The following GAS6 variants were observed in gnomAD, a reference collection of about 807,000 sequenced individuals.
GAS6 encodes growth arrest-specific protein 6.
In GAS6, 41 loss-of-function variants were observed where a neutral mutation model predicts 75.8. The ratio of observed to expected loss-of-function variants is 0.54; its 90% CI spans 0.42 to 0.70. GAS6 has a LOEUF of 0.70. Among genes scored for constraint, GAS6 ranks in the 30% least tolerant of loss-of-function variants. GAS6 has a pLI of 0.00. For synonymous variants in GAS6, 432 were observed against 412.6 expected (o/e 1.05, Z -0.57); for missense variants, 854 against 940.2 (o/e 0.91, Z 1.20).
chr13:113,858,093 T>TG (rs1566375473), intron 2 of GAS6, among the ~76,000 whole-genome samples: 1 of 152,194 alleles, frequency 6.6e-6, no homozygotes, highest in African/African-American at 2.4e-5. Context: ...CTGAGGAAGC[T>TG]GGGGCCACAG....
chr13:113,824,617 T>A (rs1398853065), intron 12 of GAS6, among the ~76,000 whole-genome samples: 2 of 152,206 alleles, frequency 1.3e-5, no homozygotes, highest in Non-Finnish European at 2.9e-5. Context: ...CCCAAATCAC[T>A]GTGTGTACAC....
intron 5 of GAS6, 194 bp from the exon 6 acceptor site, chr13:113,838,385 TCACA>T: frequency 1.8e-6 from 1 of 567,052 alleles, no homozygotes; most frequent in Non-Finnish European, 2.9e-6. Flanking sequence ...AGACCAGGGG[TCACA>T]GCCTAGCCCC....
intron 7 of GAS6, among the ~76,000 whole-genome samples, chr13:113,835,293 G>A (rs1325902097): frequency 6.6e-6 from 1 of 152,244 alleles, no homozygotes; most frequent in Non-Finnish European, 1.5e-5. Flanking sequence ...CATGTGTGCG[G>A]TTCGTTCATG....
intron 2 of GAS6, among the ~76,000 whole-genome samples, chr13:113,859,664 A>C (rs889931939): frequency 1.3e-5 from 2 of 152,106 alleles, no homozygotes; most frequent in African/African-American, 4.8e-5. Context: ...ACATGTGTGC[A>C]TGTGTCTAGG....
At chr13:113,821,147 C>T in intron 14 of GAS6, 129 bp from the exon 15 acceptor site, 2 of 946,336 alleles carry the variant, frequency 2.1e-6, no homozygotes, top group South Asian at 3.2e-5. Context: ...TCCCTTTCTT[C>T]TCTAACTTCT....
chr13:113,825,973 G>C (rs2051532130), intron 12 of GAS6, among the ~76,000 whole-genome samples: 2 of 152,196 alleles, frequency 1.3e-5, no homozygotes, highest in Non-Finnish European at 2.9e-5. Flanking sequence ...CTCTGTGCGT[G>C]TGGGGGCTTC....
In GAS6 at chr13:113,839,793, T is replaced by C. The variant is rs1243095521; in HGVS notation, c.401A>G (p.Gln134Arg). 6.2e-7 allele frequency: 1 copy of C among 1,614,026 alleles called. No homozygotes were observed. The highest frequency in any genetic ancestry group is 8.5e-7 in the Non-Finnish European group (1 of 1,180,008). Reference protein sequence around the residue: ...PCDRKGTQACQDLMGNFFCLC... With the variant: ...PCDRKGTQACRDLMGNFFCLC... ...GCAGAAGAAGTTGCCCATGAGGTCCTGGCAGGCTTGGGTCCCCTTCCTATC... is the reference window on the plus strand; with the variant it reads ...GCAGAAGAAGTTGCCCATGAGGTCCCGGCAGGCTTGGGTCCCCTTCCTATC... Residue 134 changes from glutamine to arginine, a missense_variant, in exon 5 of 15, where the codon CAG (glutamine) becomes CGG (arginine). Coordinates refer to ENST00000327773, the MANE Select transcript of GAS6 (RefSeq NM_000820.4).
In GAS6 at chr13:113,827,785, C is replaced by T. The variant is rs111684324; in HGVS notation, c.1309-621G>A. The stretch of plus-strand genomic sequence containing the variant: ...AAAATACCCAGGATGACGGCTTAGA[C>T]GTCAGCACGTGGGGGCTGGAGACAC... On this transcript the variant is annotated intron_variant, in intron 11 of 14. Transcript: ENST00000327773. 3.6e-3 allele frequency among the ~76,000 whole-genome samples: 547 copies of T among 152,288 alleles called. 1 individual carries two copies. Among genetic ancestry groups the T allele is most frequent in the African/African-American group, 0.012 (518 of 41,562 alleles).
intron 3 of GAS6, chr13:113,846,918 T>C (rs534628086): frequency 4.5e-5 from 21 of 468,700 alleles, no homozygotes; most frequent in Middle Eastern, 3.1e-4. Flanking sequence ...CTCGAAAAGC[T>C]AAACTTCATT....
intron 8 of GAS6, 30 bp downstream of exon 8, chr13:113,834,521 G>A (rs967815621): frequency 1.3e-6 from 2 of 1,500,508 alleles, no homozygotes; most frequent in Non-Finnish European, 1.8e-6. Context: ...GAACCACCGT[G>A]AAGGGCCCGC....
chr13:113,826,977 G>A lies in GAS6; in HGVS notation c.1477+19C>T, dbSNP rs201687096. The A allele has an allele frequency of 2.2e-3, 3,451 of 1,604,802 alleles. 5 individuals carry two copies. The highest frequency in any genetic ancestry group is 2.6e-3 in the Non-Finnish European group (3,093 of 1,175,402). On this transcript the variant is annotated intron_variant, in intron 12 of 14. Coordinates refer to ENST00000327773, the MANE Select transcript of GAS6 (RefSeq NM_000820.4). ...AAGGTGCAGCCACAGCCACCCCAACGGTAAGAGCCAAGACTTACTGTAGTC... is the reference window on the plus strand; with the variant it reads ...AAGGTGCAGCCACAGCCACCCCAACAGTAAGAGCCAAGACTTACTGTAGTC...
At chr13:113,846,665 G>T (rs371330020) in intron 3 of GAS6, 76 bp from the exon 4 acceptor site, 1 of 1,219,382 alleles carries the variant, frequency 8.2e-7, no homozygotes, top group Non-Finnish European at 1.2e-6. Flanking sequence ...CTTCTGAGAC[G>T]CTCTGGAGAG....
rs910952224 is a variant in GAS6, at chr13:113,824,439, C to T, written c.1478-889G>A. ...ACATGCGGTCTGGGGTCTGAGCTGT[C>T]GGGAACATGTGTGGTCTCCCAGGGA... On this transcript the variant is annotated intron_variant, in intron 12 of 14. Transcript: ENST00000327773. 1.5e-4 allele frequency among the ~76,000 whole-genome samples: 23 copies of T among 151,882 alleles called. 1 individual carries two copies. The highest frequency in any genetic ancestry group is 2.9e-4 in the African/African-American group (12 of 41,274).
Position 113,863,652 on chromosome 13 carries a change from GGC to G in GAS6, c.176_177del (p.Gly59AlafsTer59). The G allele has an allele frequency of 6.6e-7, 1 of 1,523,440 alleles. No homozygotes were observed. Among genetic ancestry groups the G allele is most frequent in the Non-Finnish European group, 8.8e-7 (1 of 1,135,366 alleles). 94.4% of individuals were successfully genotyped at this position (1,523,440 alleles called of 1,614,324 possible). On this transcript the variant is annotated frameshift_variant, in exon 2 of 15. Coordinates refer to ENST00000327773, the MANE Select transcript of GAS6 (RefSeq NM_000820.4). LOFTEE classifies it high-confidence loss of function. This position sits in a 1 kb window ranked among gnomAD's most constrained non-coding sequence, Gnocchi z 9.4. ...AFQVFEEAKQ[G>X]HLERECVEEL... is the part of the protein sequence containing the mutation. The stretch of plus-strand genomic sequence containing the variant: ...TCCTCCACGCACTCCCTCTCCAGGT[GGC>G]CCTGCTTGGCCTCCTCGAAGACCTG...
Position 113,863,441 on chromosome 13 carries a change from C to T in GAS6, c.255+134G>A, listed in dbSNP as rs1039064702. The T allele has an allele frequency of 3.6e-6, 3 of 824,278 alleles. No individual in the cohort carries two copies. The South Asian group carries it at 1.0e-4, about 28-fold the overall frequency. The allele number at this position is 824,278 out of a possible 1,614,324, so 51.1% of individuals were successfully genotyped here. ...ATGGGCGTGGGGGACGCGGGGCGGG[C>T]CGGGGCTCCTGGGACCCTGAGGCCA... On this transcript the variant is annotated intron_variant, in intron 2 of 14. Coordinates refer to ENST00000327773, the MANE Select transcript of GAS6 (RefSeq NM_000820.4). This position sits in a 1 kb window ranked among gnomAD's most constrained non-coding sequence, Gnocchi z 9.4.
At chr13:113,827,788 C>T (rs530681505) in intron 11 of GAS6, among the ~76,000 whole-genome samples, 9 of 152,194 alleles carry the variant, frequency 5.9e-5, no homozygotes, top group Non-Finnish European at 1.3e-4. Flanking sequence ...GCTTAGACGT[C>T]AGCACGTGGG....
rs932655314 is a variant in GAS6, at chr13:113,831,002, C to A, written c.1143+1297G>T. Among the ~76,000 whole-genome samples the A allele has an allele frequency of 2.0e-5, 3 of 152,246 alleles. No individual in the cohort carries two copies. The East Asian group carries it at 5.8e-4, about 29-fold the overall frequency. On this transcript the variant is annotated intron_variant, in intron 10 of 14. Coordinates refer to ENST00000327773, the MANE Select transcript of GAS6 (RefSeq NM_000820.4). ...GGCATTGCTTTGCAGGATGGAAATACAAGTCTACAATGTTTCTGAAGGGCA... is the reference window on the plus strand; with the variant it reads ...GGCATTGCTTTGCAGGATGGAAATAAAAGTCTACAATGTTTCTGAAGGGCA...
intron 12 of GAS6, among the ~76,000 whole-genome samples, chr13:113,826,455 C>G (rs2051542766): frequency 7.6e-6 from 1 of 130,730 alleles, no homozygotes. Context: ...CCCCAGCCTC[C>G]CGGCGCCGGC....
Position 113,827,062 on chromosome 13 carries a change from AGC to A in GAS6, c.1409_1410del (p.Cys470PhefsTer32), listed in dbSNP as rs777217240. On this transcript the variant is annotated frameshift_variant, in exon 12 of 15. Coordinates refer to ENST00000327773, the MANE Select transcript of GAS6 (RefSeq NM_000820.4). ...ETVKVNTRMQ[C>X]FSVTERGSFY... Reference sequence around the variant, plus strand: ...AAAGAGCCTCTCTCCGTCACCGAGAAGCACTGCATCCTCGTGTTCACTTTCAC... The same window carrying A: ...AAAGAGCCTCTCTCCGTCACCGAGAAACTGCATCCTCGTGTTCACTTTCAC... 2 of 1,613,500 alleles carry A rather than the reference AGC, an allele frequency of 1.2e-6. No homozygotes were observed. The highest frequency in any genetic ancestry group is 1.7e-6 in the Non-Finnish European group (2 of 1,179,954).
Sources: gnomAD v4.1 joint callset for allele counts (sites outside exome capture counted in the v4.1 genomes callset) on GRCh38, gnomAD v4.1.1 for gene constraint, Gnocchi (gnomAD v3.1) non-coding constraint, MANE v1.5 for transcripts, NCBI Gene and HGNC (gene_info 2026-07-23, HGNC 2026-07-21) for gene names.